The following SNCAIP variants were observed in gnomAD, a reference collection of about 807,000 sequenced individuals.
The protein encoded by SNCAIP is synphilin-1.
SNCAIP carries 43 observed loss-of-function variants against 86.7 expected under a neutral mutation model. The ratio of observed to expected loss-of-function variants is 0.50; its 90% CI spans 0.39 to 0.64. The LOEUF (loss-of-function observed/expected upper bound fraction) is 0.64, where lower values mean the gene tolerates loss of function less well. SNCAIP is among the 30% of genes least tolerant of loss of function. The pLI, the probability that SNCAIP is intolerant of heterozygous loss-of-function variation, is 0.00. For missense variants in SNCAIP, 981 were observed against 1,103.1 expected, an observed-to-expected ratio of 0.89 and a Z score of 1.57; for synonymous variants, 417 against 427.2, an observed-to-expected ratio of 0.98 and a Z score of 0.29.
At chr5:122,415,652 A>C (rs938366753) in intron 3 of SNCAIP, among the ~76,000 whole-genome samples, 8 of 152,218 alleles carry the variant, frequency 5.3e-5, no homozygotes, top group African/African-American at 1.9e-4. Flanking sequence ...GCAGTAACTC[A>C]GAGTCCTTTG....
chr5:122,450,588 G>A lies in SNCAIP; in HGVS notation c.1741G>A (p.Asp581Asn). The A allele has an allele frequency of 1.2e-6, 2 of 1,614,132 alleles. No individual in the cohort carries two copies. Among genetic ancestry groups the A allele is most frequent in the Non-Finnish European group, 1.7e-6 (2 of 1,180,006 alleles). Residue 581 changes from aspartate to asparagine, a missense_variant, in exon 10 of 11, where the codon GAT becomes AAT. Physicochemically the swap from Asp to Asn is conservative, Grantham distance 23 (BLOSUM62 1). Transcript: ENST00000261368. ...KSQWKSPDAD[D>N]DSVAKSKPGV... is the part of the protein sequence containing the mutation. ...CCAGTGGAAATCTCCAGATGCAGAT[G>A]ATGATTCTGTAGCCAAAAGCAAGCC...
chr5:122,367,423 A>G (rs1763399827), intron 1 of SNCAIP, among the ~76,000 whole-genome samples: 1 of 152,210 alleles, frequency 6.6e-6, no homozygotes, highest in Non-Finnish European at 1.5e-5. Context: ...GTGTCTTTTG[A>G]GAGTTTGGAT....
intron 8 of SNCAIP, among the ~76,000 whole-genome samples, chr5:122,449,167 G>A (rs1045425370): frequency 5.9e-5 from 9 of 152,096 alleles, no homozygotes; most frequent in African/African-American, 1.9e-4. Flanking sequence ...TACCTTAAGC[G>A]TGTTCAGACC....
At chr5:122,447,561 G>T (rs1290506890) in intron 8 of SNCAIP, among the ~76,000 whole-genome samples, 1 of 152,126 alleles carries the variant, frequency 6.6e-6, no homozygotes, top group Non-Finnish European at 1.5e-5. Flanking sequence ...AAAAGCAGAC[G>T]CTAATCTTTC....
At chr5:122,446,408 T>C (rs1455248810) in intron 8 of SNCAIP, among the ~76,000 whole-genome samples, 1 of 152,236 alleles carries the variant, frequency 6.6e-6, no homozygotes, top group Non-Finnish European at 1.5e-5. Flanking sequence ...ACATCCTCCT[T>C]CTTGTTCATA....
At chr5:122,343,951 G>A (rs887460306) in intron 1 of SNCAIP, among the ~76,000 whole-genome samples, 1 of 152,154 alleles carries the variant, frequency 6.6e-6, no homozygotes, top group Non-Finnish European at 1.5e-5. Flanking sequence ...GAGGTCTAAG[G>A]CCAAGTTGAA....
In SNCAIP at chr5:122,431,990, C is replaced by T. The variant is rs1778503920; in HGVS notation, c.1204C>T (p.Arg402Cys). Residue 402 changes from arginine to cysteine, a missense_variant, in exon 6 of 11, where the codon CGC becomes TGC. Arg to Cys is a radical substitution (Grantham distance 180). Coordinates refer to ENST00000261368, the MANE Select transcript of SNCAIP (RefSeq NM_005460.4). ...AIKNGQLECVRWMVSETEAIA... is the reference protein window; with the variant it reads ...AIKNGQLECVCWMVSETEAIA... ...CTAGAATGGTCAGTTGGAGTGCGTA[C>T]GCTGGATGGTGAGCGAAACAGAAGC... is the stretch of plus-strand genomic sequence containing the variant. The T allele has an allele frequency of 1.3e-6, 2 of 1,590,858 alleles. No homozygotes were observed. The highest frequency in any genetic ancestry group is 1.7e-6 in the Non-Finnish European group (2 of 1,159,234).
chr5:122,450,426 GTTC>G, intron 9 of SNCAIP, 104 bp from the exon 10 acceptor site: 1 of 831,488 alleles, frequency 1.2e-6, no homozygotes, highest in Non-Finnish European at 2.1e-6. Context: ...TCTGTATTCT[GTTC>G]TTATTTACTT....
At chr5:122,331,477 A>T (rs1245956536) in intron 1 of SNCAIP, among the ~76,000 whole-genome samples, 1 of 152,260 alleles carries the variant, frequency 6.6e-6, no homozygotes, top group Non-Finnish European at 1.5e-5. Flanking sequence ...TACTTAAGAA[A>T]TAAAAAAATA....
At chr5:122,398,788 G>C (rs968008876) in intron 2 of SNCAIP, among the ~76,000 whole-genome samples, 3 of 152,130 alleles carry the variant, frequency 2.0e-5, no homozygotes, top group African/African-American at 7.2e-5. Flanking sequence ...CAGTTTTCAG[G>C]AATAAAAGCC....
intron 1 of SNCAIP, among the ~76,000 whole-genome samples, chr5:122,362,431 G>C (rs1056413699): frequency 2.4e-4 from 36 of 152,126 alleles, no homozygotes; most frequent in Admixed American, 2.4e-3. Flanking sequence ...TCTGACCCCA[G>C]GAATGGAGCA....
At chr5:122,413,683 C>T (rs759282683) in intron 3 of SNCAIP, among the ~76,000 whole-genome samples, 44 of 151,750 alleles carry the variant, frequency 2.9e-4, no homozygotes, top group Non-Finnish European at 1.2e-4. Flanking sequence ...TGCCAATTAC[C>T]AATTGCTTTA....
chr5:122,461,667 CTGTT>C (rs1360541368), intron 10 of SNCAIP, among the ~76,000 whole-genome samples: 2 of 125,514 alleles, frequency 1.6e-5, no homozygotes, highest in African/African-American at 5.7e-5. Flanking sequence ...TTTTTTATAG[CTGTT>C]TTTTTTTTTT....
At chr5:122,387,805 T>G (rs1768512400) in intron 1 of SNCAIP, among the ~76,000 whole-genome samples, 1 of 152,252 alleles carries the variant, frequency 6.6e-6, no homozygotes. Flanking sequence ...TACTAAGAGA[T>G]AAAGTGGACA....
At chr5:122,417,714 C>A (rs1775601283) in intron 3 of SNCAIP, among the ~76,000 whole-genome samples, 1 of 152,002 alleles carries the variant, frequency 6.6e-6, no homozygotes, top group African/African-American at 2.4e-5. Context: ...TTTCTACCTT[C>A]CCCCTTCCTC....
At chr5:122,313,581 T>C (rs1047445251) in intron 1 of SNCAIP, among the ~76,000 whole-genome samples, 20 of 152,250 alleles carry the variant, frequency 1.3e-4, no homozygotes, top group African/African-American at 4.6e-4. Flanking sequence ...TTTGTACATA[T>C]TGAAAATTTA....
chr5:122,393,546 C>G (rs73794598), intron 2 of SNCAIP, among the ~76,000 whole-genome samples: 3,094 of 152,220 alleles, frequency 0.02, 99 homozygotes, highest in African/African-American at 0.069. Flanking sequence ...GCAATTTTAC[C>G]TGCCCCACCC....
At chr5:122,436,365 G>C (rs925365025) in intron 6 of SNCAIP, 1 of 151,972 alleles carries the variant, frequency 6.6e-6, no homozygotes, top group Non-Finnish European at 1.5e-5. Flanking sequence ...ATGAATGTCG[G>C]CTGTTATCAC....
intron 5 of SNCAIP, among the ~76,000 whole-genome samples, chr5:122,429,271 C>T (rs1462654389): frequency 1.3e-5 from 2 of 150,410 alleles, no homozygotes; most frequent in Admixed American, 1.3e-4. Context: ...ATTTTCCACC[C>T]TAGAAAACTA....
Sources: allele counts gnomAD v4.1 joint callset (sites outside exome capture counted in the v4.1 genomes callset), GRCh38; gene constraint gnomAD v4.1.1; transcripts MANE v1.5; gene names NCBI Gene and HGNC (gene_info 2026-07-23, HGNC 2026-07-21).